Variants in IDUA observed in about 807,000 individuals in gnomAD.
IDUA encodes alpha-L-iduronidase.
In IDUA, 65 loss-of-function variants were observed where a neutral mutation model predicts 68.9. The observed-to-expected ratio is 0.94, with a 90% CI of 0.77 to 1.16. The LOEUF (loss-of-function observed/expected upper bound fraction) is 1.16, where lower values mean the gene tolerates loss of function less well. IDUA is among the 50% of genes most tolerant of loss of function. IDUA has a pLI of 0.00. For missense variants in IDUA, 1,046 were observed against 938.0 expected (o/e 1.12, Z -1.50); for synonymous variants, 529 against 433.6 (o/e 1.22, Z -2.73).
chr4:987,041 G>A (rs1423083496), upstream of IDUA: 5 of 1,410,368 alleles, frequency 3.5e-6, no homozygotes, highest in Non-Finnish European at 4.7e-6. Flanking sequence ...AGGCGGAACC[G>A]GCAGTGCAGC....
chr4:991,328 A>G (rs1360828566), intron 2 of IDUA: 1 of 1,612,860 alleles, frequency 6.2e-7, no homozygotes, highest in South Asian at 1.1e-5. Context: ...AGCAGGCTGA[A>G]GATGCCCACG....
intron 2 of IDUA, chr4:991,150 G>T: frequency 1.9e-6 from 3 of 1,552,418 alleles, no homozygotes; most frequent in Non-Finnish European, 2.6e-6. Flanking sequence ...GGTCATCAGC[G>T]TGAGGGCGGT....
At position 1,001,697 on chromosome 4, in the gene IDUA, A is replaced by T; in HGVS notation, c.608A>T (p.Asp203Val). 6.2e-7 allele frequency: 1 copy of T among 1,600,592 alleles called. No homozygotes were observed. Among genetic ancestry groups the T allele is most frequent in the Non-Finnish European group, 8.5e-7 (1 of 1,179,004 alleles). ...MTMQGFLNYY[D>V]ACSEGLRAAS... ...GGCCCAGGCTTCCTGAACTACTACG[A>T]TGCCTGCTCGGAGGGTCTGCGCGCC... Residue 203 changes from aspartate (D) to valine (V), a missense_variant, in exon 6 of 14, where the codon GAT (aspartate) becomes GTT (valine). Asp to Val is a radical substitution (Grantham distance 152, BLOSUM62 -3). Transcript: ENST00000514224.
intron 2 of IDUA, among the ~76,000 whole-genome samples, chr4:995,375 T>A (rs11248063): frequency 2.0e-5 from 3 of 151,284 alleles, no homozygotes; most frequent in African/African-American, 7.3e-5. Context: ...AAAAATTCCT[T>A]GGGAGCCTCA....
rs373309217 is a variant in IDUA, at chr4:987,421, G to A, written c.158+179G>A. On this transcript the variant is annotated intron_variant, in intron 1 of 13. Transcript: ENST00000514224. ...CCTCCACCTGAGTGGGCGCCGGGGC[G>A]TGAGCCTGGGCCGCCCCCTGCAGCC... Among the ~76,000 whole-genome samples, 5 of 152,230 alleles carry A rather than the reference G, an allele frequency of 3.3e-5. No homozygotes were observed. In the East Asian group the frequency reaches 7.8e-4, roughly 24 times the overall value.
intron 2 of IDUA, among the ~76,000 whole-genome samples, chr4:998,129 G>A (rs369083824): frequency 6.6e-6 from 1 of 152,146 alleles, no homozygotes; most frequent in African/African-American, 2.4e-5. Context: ...GAGGGGAGGA[G>A]AGGTGGTAGG....
At chr4:1,000,747 C>T (rs1405574162) in intron 3 of IDUA, 50 bp downstream of exon 3, 3 of 1,492,452 alleles carry the variant, frequency 2.0e-6, no homozygotes, top group Admixed American at 1.7e-5. Context: ...CCTTGCCCTG[C>T]CCACCCTCTC....
intron 2 of IDUA, among the ~76,000 whole-genome samples, chr4:997,332 C>T (rs925501146): frequency 6.0e-5 from 9 of 151,006 alleles, no homozygotes; most frequent in Non-Finnish European, 1.3e-4. Flanking sequence ...CGCCCCTGCC[C>T]CGCACTCCCA....
Position 1,001,522 on chromosome 4 carries a change from C to T in IDUA, c.548C>T (p.Pro183Leu). ...SKWNFETWNE[P>L]DHHDFDNVSM... Reference sequence around the variant, plus strand: ...TGGAACTTCGAGACGTGGAATGAGCCAGACCACCACGACTTTGACAACGTC... The same window carrying T: ...TGGAACTTCGAGACGTGGAATGAGCTAGACCACCACGACTTTGACAACGTC... The change falls in exon 5 of 14, where the codon CCA (proline) becomes CTA (leucine). Residue 183 changes from proline (P) to leucine (L), a missense_variant. Coordinates refer to ENST00000514224, the MANE Select transcript of IDUA (RefSeq NM_000203.5). 1 of 1,613,282 alleles carries T rather than the reference C, an allele frequency of 6.2e-7. No individual in the cohort carries two copies. Among genetic ancestry groups the T allele is most frequent in the East Asian group, 2.2e-5 (1 of 44,882 alleles).
At chr4:1,001,381 G>T (rs1326149180) in intron 4 of IDUA, 87 bp from the exon 5 acceptor site, 15 of 1,087,812 alleles carry the variant, frequency 1.4e-5, no homozygotes, top group Non-Finnish European at 2.1e-5. Context: ...TGAGTCAGAC[G>T]CCCTTCATCA....
intron 2 of IDUA, among the ~76,000 whole-genome samples, chr4:996,358 C>T (rs577668175): frequency 1.3e-5 from 2 of 152,166 alleles, no homozygotes; most frequent in Non-Finnish European, 2.9e-5. Context: ...CAAGGTCTCC[C>T]TAAAGGAGGC....
chr4:989,900 C>T, intron 2 of IDUA: 1 of 1,564,890 alleles, frequency 6.4e-7, no homozygotes, highest in Non-Finnish European at 8.7e-7. Flanking sequence ...AGGGCCAGGG[C>T]CACGGCATCC....
In IDUA at chr4:987,081, G is replaced by A; in HGVS notation, c.-4G>A. 6.7e-7 allele frequency: 1 copy of A among 1,491,942 alleles called. No homozygotes were observed. The highest frequency in any genetic ancestry group is 1.5e-5 in the African/African-American group (1 of 68,790). 92.4% of individuals were successfully genotyped at this position (1,491,942 alleles called of 1,614,324 possible). On this transcript the variant is annotated 5_prime_UTR_variant, in exon 1 of 14. Coordinates refer to ENST00000514224, the MANE Select transcript of IDUA (RefSeq NM_000203.5). ...AGCCCCGCAGTCCCCGAGCACGCGT[G>A]GCCATGCGTCCCCTGCGCCCCCGCG...
At position 1,003,508 on chromosome 4, in the gene IDUA, C is replaced by G. The variant is rs775255008; in HGVS notation, c.1650+38C>G. ...CCCCTAACCCGCGCCGCGGCCCGGA[C>G]TCCCCTTCCCCGACGCCATCACAGC... On this transcript the variant is annotated intron_variant, in intron 11 of 13. Transcript: ENST00000514224. 6.9e-6 allele frequency: 11 copies of G among 1,602,984 alleles called. No individual in the cohort carries two copies. In the Admixed American group the frequency reaches 1.7e-4, roughly 24 times the overall value.
At position 1,002,951 on chromosome 4, in the gene IDUA, C is replaced by T. The variant is rs2153022699; in HGVS notation, c.1402+7C>T. The T allele has an allele frequency of 1.5e-6, 2 of 1,363,388 alleles. No individual in the cohort carries two copies. Among genetic ancestry groups the T allele is most frequent in the East Asian group, 3.1e-5 (1 of 32,394 alleles). The allele number at this position is 1,363,388 out of a possible 1,614,324, so 84.5% of individuals were successfully genotyped here. Reference sequence around the variant, plus strand: ...GGGGTGCCCCCCGGCCCGGGTAAGCCGGGGTTCCAGGGAGGTCTCTGGCCC... The same window carrying T: ...GGGGTGCCCCCCGGCCCGGGTAAGCTGGGGTTCCAGGGAGGTCTCTGGCCC... On this transcript the variant is annotated splice_region_variant and intron_variant, in intron 9 of 13. Coordinates refer to ENST00000514224, the MANE Select transcript of IDUA (RefSeq NM_000203.5).
rs767632084 is a variant in IDUA, at chr4:1,002,445, C to G, written c.1149C>G (p.Arg383=). ...GCCCGCCGCACGTGCAGCTGTTGCG[C>G]AAGCCGGTGCTCACGGCCATGGGGC... ...NTRPPHVQLL[R]KPVLTAMGLL... is the part of the protein sequence containing the mutation. The change falls in exon 8 of 14, where the codon CGC becomes CGG. Residue 383 remains arginine (R), a synonymous_variant. Coordinates refer to ENST00000514224, the MANE Select transcript of IDUA (RefSeq NM_000203.5). 4.5e-6 allele frequency: 7 copies of G among 1,554,960 alleles called. No individual in the cohort carries two copies. In the African/African-American group the frequency reaches 8.2e-5, roughly 18 times the overall value.
Position 1,002,433 on chromosome 4 carries a change from G to A in IDUA, c.1137G>A (p.Val379=). 6.4e-7 allele frequency: 1 copy of A among 1,565,618 alleles called. No individual in the cohort carries two copies. The highest frequency in any genetic ancestry group is 1.2e-5 in the South Asian group (1 of 85,884). Residue 379 remains valine (V), a synonymous_variant, in exon 8 of 14, where the codon GTG becomes GTA. Transcript: ENST00000514224. ...TCAACAACACCCGCCCGCCGCACGT[G>A]CAGCTGTTGCGCAAGCCGGTGCTCA... ...FQVNNTRPPH[V]QLLRKPVLTA... is the part of the protein sequence containing the mutation.
chr4:995,644 C>T (rs931478005), intron 2 of IDUA, among the ~76,000 whole-genome samples: 1 of 152,242 alleles, frequency 6.6e-6, no homozygotes, highest in Non-Finnish European at 1.5e-5. Flanking sequence ...GAGGGTCTCG[C>T]AGAACCAGCT....
chr4:990,174 G>A (rs1041395598), intron 2 of IDUA: 21 of 1,560,384 alleles, frequency 1.3e-5, no homozygotes, highest in East Asian at 4.8e-5. Flanking sequence ...CCTGCCCGGC[G>A]CCGCGCAGCA....
Sources: allele counts gnomAD v4.1 joint callset (sites outside exome capture counted in the v4.1 genomes callset), GRCh38; gene constraint gnomAD v4.1.1; transcripts MANE v1.5; gene names NCBI Gene and HGNC (gene_info 2026-07-23, HGNC 2026-07-21).